The following ST6GALNAC3 variants were observed in gnomAD, a reference collection of about 807,000 sequenced individuals.
ST6GALNAC3 encodes alpha-N-acetylgalactosaminide alpha-2,6-sialyltransferase 3.
In ST6GALNAC3, 25 loss-of-function variants were observed where a neutral mutation model predicts 32.7. That is an observed-to-expected ratio of 0.76 (90% CI 0.56 to 1.07). The LOEUF (loss-of-function observed/expected upper bound fraction) is 1.07, where lower values mean the gene tolerates loss of function less well. ST6GALNAC3 is among the 50% of genes least tolerant of loss of function. The pLI, the probability that ST6GALNAC3 is intolerant of heterozygous loss-of-function variation, is 0.00. For synonymous variants in ST6GALNAC3, 129 were observed against 133.1 expected, an observed-to-expected ratio of 0.97 and a Z score of 0.21; for missense variants, 355 against 382.4, an observed-to-expected ratio of 0.93 and a Z score of 0.60.
At chr1:76,290,000 G>C (rs6691694) in intron 1 of ST6GALNAC3, among the ~76,000 whole-genome samples, 73,378 of 152,106 alleles carry the variant, frequency 0.48, 17,929 homozygotes, top group African/African-American at 0.55. Flanking sequence ...ATCTACCCAG[G>C]ATTTTCTGTT....
chr1:76,158,746 A>G lies in ST6GALNAC3; in HGVS notation c.18+83862A>G, dbSNP rs191696265. On this transcript the variant is annotated intron_variant, in intron 1 of 4. Coordinates refer to ENST00000328299, the MANE Select transcript of ST6GALNAC3 (RefSeq NM_152996.4). ...GGAATGAGGGAATTGTCAGGGAATAAGTACCTGGTAATTAGTAGCTTTTAC... is the reference window on the plus strand; with the variant it reads ...GGAATGAGGGAATTGTCAGGGAATAGGTACCTGGTAATTAGTAGCTTTTAC... Among the ~76,000 whole-genome samples the G allele has an allele frequency of 3.2e-4, 49 of 152,324 alleles. 1 individual carries two copies. The highest frequency in any genetic ancestry group is 3.4e-3 in the Middle Eastern group (1 of 294).
At chr1:76,143,757 A>G (rs1408259163) in intron 1 of ST6GALNAC3, among the ~76,000 whole-genome samples, 4 of 152,134 alleles carry the variant, frequency 2.6e-5, no homozygotes, top group Admixed American at 1.3e-4. Context: ...ACTGTCCCCC[A>G]GGATAAGGCA....
chr1:76,342,279 C>A (rs1648107876), intron 2 of ST6GALNAC3, among the ~76,000 whole-genome samples: 1 of 152,150 alleles, frequency 6.6e-6, no homozygotes. Flanking sequence ...CTTGAGGAAT[C>A]ACCAAACTGT....
intron 2 of ST6GALNAC3, among the ~76,000 whole-genome samples, chr1:76,338,853 G>T (rs773476749): frequency 6.6e-6 from 1 of 152,154 alleles, no homozygotes; most frequent in African/African-American, 2.4e-5. Flanking sequence ...AGAAAATAAG[G>T]TGTGGGCATC....
intron 2 of ST6GALNAC3, among the ~76,000 whole-genome samples, chr1:76,386,420 T>C (rs1275311544): frequency 6.6e-6 from 1 of 150,390 alleles, no homozygotes. Flanking sequence ...CAGTAAATTA[T>C]AGCAATTGCT....
intron 1 of ST6GALNAC3, among the ~76,000 whole-genome samples, chr1:76,112,120 A>G (rs1390770745): frequency 7.5e-6 from 1 of 133,152 alleles, no homozygotes; most frequent in Admixed American, 7.3e-5. Context: ...CGGGGGGCTG[A>G]CACTCCCACC....
At chr1:76,239,987 C>T (rs566372702) in intron 1 of ST6GALNAC3, among the ~76,000 whole-genome samples, 1 of 152,304 alleles carries the variant, frequency 6.6e-6, no homozygotes, top group South Asian at 2.1e-4. Flanking sequence ...TCTGCCTTTT[C>T]CTATTAAGGT....
chr1:76,305,318 A>C (rs1169115674), intron 1 of ST6GALNAC3, among the ~76,000 whole-genome samples: 1 of 152,116 alleles, frequency 6.6e-6, no homozygotes, highest in African/African-American at 2.4e-5. Context: ...AGCATGACAG[A>C]ATCCGGGAGC....
At chr1:76,402,019 G>A (rs193141386) in intron 2 of ST6GALNAC3, among the ~76,000 whole-genome samples, 9 of 137,614 alleles carry the variant, frequency 6.5e-5, no homozygotes, top group Non-Finnish European at 1.4e-4. Flanking sequence ...AGTCTTCGAT[G>A]GTTTAGAGAT....
At chr1:76,266,616 C>A (rs1658541735) in intron 1 of ST6GALNAC3, among the ~76,000 whole-genome samples, 1 of 152,196 alleles carries the variant, frequency 6.6e-6, no homozygotes. Flanking sequence ...AACAGTTGCT[C>A]TTAGGATCTT....
chr1:76,420,369 C>A (rs1250918113), intron 3 of ST6GALNAC3, among the ~76,000 whole-genome samples: 2 of 152,042 alleles, frequency 1.3e-5, no homozygotes, highest in Non-Finnish European at 2.9e-5. Flanking sequence ...TGTGATCCTG[C>A]CCTATTCCTT....
chr1:76,356,974 A>G (rs1330153651), intron 2 of ST6GALNAC3, among the ~76,000 whole-genome samples: 2 of 152,138 alleles, frequency 1.3e-5, no homozygotes, highest in African/African-American at 4.8e-5. Context: ...GTACGCAAGA[A>G]GAAATTCCAG....
intron 1 of ST6GALNAC3, among the ~76,000 whole-genome samples, chr1:76,313,341 G>A (rs1646803874): frequency 6.6e-6 from 1 of 152,070 alleles, no homozygotes; most frequent in Admixed American, 6.6e-5. Flanking sequence ...ATCCATGTAG[G>A]AAAATCACAT....
intron 1 of ST6GALNAC3, among the ~76,000 whole-genome samples, chr1:76,133,055 G>T (rs950425137): frequency 6.6e-5 from 10 of 152,100 alleles, no homozygotes; most frequent in Non-Finnish European, 1.0e-4. Flanking sequence ...TCTCTGTGAT[G>T]TAGGTGAAAA....
At chr1:76,250,255 G>C (rs1339411110) in intron 1 of ST6GALNAC3, among the ~76,000 whole-genome samples, 1 of 152,162 alleles carries the variant, frequency 6.6e-6, no homozygotes, top group African/African-American at 2.4e-5. Context: ...AGCAGTTCTT[G>C]TCAGGCTTCA....
intron 3 of ST6GALNAC3, among the ~76,000 whole-genome samples, chr1:76,626,014 C>A (rs1648944406): frequency 6.6e-6 from 1 of 151,882 alleles, no homozygotes; most frequent in African/African-American, 2.4e-5. Flanking sequence ...CAATTATCAA[C>A]CCCCACTGTG....
intron 3 of ST6GALNAC3, among the ~76,000 whole-genome samples, chr1:76,530,790 G>A (rs1429613049): frequency 6.6e-6 from 1 of 152,116 alleles, no homozygotes; most frequent in Admixed American, 6.5e-5. Context: ...ACTTGCTCAT[G>A]GTAACATAAC....
intron 1 of ST6GALNAC3, among the ~76,000 whole-genome samples, chr1:76,124,462 G>T (rs1030635001): frequency 6.6e-6 from 1 of 152,146 alleles, no homozygotes; most frequent in Non-Finnish European, 1.5e-5. Context: ...CTGACCTTGC[G>T]CAATGTAGTC....
chr1:76,466,513 G>A (rs1658641692), intron 3 of ST6GALNAC3, among the ~76,000 whole-genome samples: 1 of 151,984 alleles, frequency 6.6e-6, no homozygotes, highest in African/African-American at 2.4e-5. Context: ...CTACAATGTT[G>A]GTGAAGTGAC....
Sources: allele counts gnomAD v4.1 joint callset (sites outside exome capture counted in the v4.1 genomes callset), GRCh38; gene constraint gnomAD v4.1.1; transcripts MANE v1.5; gene names NCBI Gene and HGNC (gene_info 2026-07-23, HGNC 2026-07-21).